Variants in PARD3 observed in about 807,000 individuals in gnomAD.
PARD3 encodes partitioning defective 3 homolog.
PARD3 carries 75 observed loss-of-function variants against 155.4 expected under a neutral mutation model. That is an observed-to-expected ratio of 0.48 (90% confidence interval 0.40 to 0.58). The LOEUF (loss-of-function observed/expected upper bound fraction) is 0.58, where lower values mean the gene tolerates loss of function less well. Among genes scored for constraint, PARD3 ranks in the 20% least tolerant of loss-of-function variants. The pLI is 0.00. For missense variants in PARD3, 1,642 were observed against 1,721.7 expected (o/e 0.95, Z 0.82); for synonymous variants, 576 against 610.5 (o/e 0.94, Z 0.83).
chr10:34,531,142 T>C (rs913020696), intron 2 of PARD3, among the ~76,000 whole-genome samples: 1 of 152,202 alleles, frequency 6.6e-6, no homozygotes, highest in African/African-American at 2.4e-5. Flanking sequence ...CTCAATACAA[T>C]TGAGTTAGCC....
chr10:34,811,668 T>C (rs1237011356), intron 1 of PARD3, among the ~76,000 whole-genome samples: 2 of 152,196 alleles, frequency 1.3e-5, no homozygotes, highest in Admixed American at 1.3e-4. Context: ...ATTCTTCCTG[T>C]CTCCTAGATT....
At chr10:34,605,560 C>CTATATATATCTCCTATATATATA (rs2090212994) in intron 2 of PARD3, among the ~76,000 whole-genome samples, 1 of 14,568 alleles carries the variant, frequency 6.9e-5, no homozygotes, top group Non-Finnish European at 1.1e-4. Flanking sequence ...TATATATCTC[C>CTATATATATCTCCTATATATATA]TATATATATA....
At chr10:34,701,557 G>A (rs72783640) in intron 1 of PARD3, among the ~76,000 whole-genome samples, 89 of 152,246 alleles carry the variant, frequency 5.8e-4, no homozygotes, top group Non-Finnish European at 8.4e-4. Context: ...GCCGGTAAGA[G>A]GCTCTGGAAT....
At chr10:34,414,236 G>A (rs1034888341) in intron 5 of PARD3, among the ~76,000 whole-genome samples, 6 of 151,848 alleles carry the variant, frequency 4.0e-5, no homozygotes, top group Admixed American at 1.3e-4. Context: ...AAAAAAAAGG[G>A]AGGGGGGAGA....
chr10:34,672,648 G>T (rs1181119685), intron 2 of PARD3, among the ~76,000 whole-genome samples: 2 of 152,182 alleles, frequency 1.3e-5, no homozygotes, highest in African/African-American at 2.4e-5. Context: ...ACACTACTGA[G>T]CTCTGGCCTG....
chr10:34,617,330 A>C (rs1352766573), intron 2 of PARD3, among the ~76,000 whole-genome samples: 1 of 152,162 alleles, frequency 6.6e-6, no homozygotes, highest in Non-Finnish European at 1.5e-5. Flanking sequence ...CTTACCAGAG[A>C]CTGGGAAGGG....
At chr10:34,164,636 C>T (rs1379269179) in intron 22 of PARD3, among the ~76,000 whole-genome samples, 5 of 152,176 alleles carry the variant, frequency 3.3e-5, no homozygotes, top group African/African-American at 1.2e-4. Context: ...AACATTTAAG[C>T]AAATTCCAGT....
At position 34,815,072 on chromosome 10, in the gene PARD3, G is replaced by T; in HGVS notation, c.-77C>A. 9.4e-7 allele frequency: 1 copy of T among 1,060,948 alleles called. No homozygotes were observed. Among genetic ancestry groups the T allele is most frequent in the Non-Finnish European group, 1.2e-6 (1 of 854,484 alleles). 65.7% of individuals were successfully genotyped at this position (1,060,948 alleles called of 1,614,324 possible). ...AGCCGAGGCCGGGACCGAGGACGCT[G>T]GGCGCGGAGGAGCCGCTGGGGACTC... is the stretch of plus-strand genomic sequence containing the variant. On this transcript the variant is annotated 5_prime_UTR_variant, in exon 1 of 25. Transcript: ENST00000374788.
chr10:34,782,009 G>C (rs1487597412), intron 1 of PARD3, among the ~76,000 whole-genome samples: 1 of 152,202 alleles, frequency 6.6e-6, no homozygotes, highest in African/African-American at 2.4e-5. Context: ...CACCTACTGA[G>C]AAATGCTGAC....
At chr10:34,355,958 C>CAAAAAAAAAA (rs1491326864) in intron 14 of PARD3, among the ~76,000 whole-genome samples, 32 of 116,198 alleles carry the variant, frequency 2.8e-4, no homozygotes, top group East Asian at 9.1e-4. Context: ...AAAACAAAAC[C>CAAAAAAAAAA]AAACAAAAAA....
At chr10:34,148,598 C>G (rs187298850) in intron 22 of PARD3, among the ~76,000 whole-genome samples, 1 of 152,200 alleles carries the variant, frequency 6.6e-6, no homozygotes, top group East Asian at 1.9e-4. Flanking sequence ...GTCTAGAGAA[C>G]TTTTGGAGAA....
At chr10:34,422,034 C>T (rs564666718) in intron 5 of PARD3, among the ~76,000 whole-genome samples, 116 of 152,210 alleles carry the variant, frequency 7.6e-4, no homozygotes, top group African/African-American at 2.6e-3. Flanking sequence ...GAGGACCAGA[C>T]CAAGGGCCCT....
chr10:34,310,714 T>C (rs1207389112), intron 20 of PARD3, among the ~76,000 whole-genome samples: 2 of 152,226 alleles, frequency 1.3e-5, no homozygotes, highest in Non-Finnish European at 2.9e-5. Flanking sequence ...TTGTCTTTGC[T>C]AGCAGGTCAG....
chr10:34,712,179 G>C (rs1358022041), intron 1 of PARD3, among the ~76,000 whole-genome samples: 2 of 152,264 alleles, frequency 1.3e-5, no homozygotes, highest in African/African-American at 4.8e-5. Flanking sequence ...AGTGTGGAAG[G>C]GTACGAACAG....
chr10:34,527,613 GTTCAC>G (rs1015221548), intron 2 of PARD3, among the ~76,000 whole-genome samples: 5 of 152,152 alleles, frequency 3.3e-5, no homozygotes, highest in South Asian at 2.1e-4. Flanking sequence ...CACCACTTCT[GTTCAC>G]TTCAAGTTCT....
At chr10:34,172,565 G>A (rs747471846) in intron 22 of PARD3, among the ~76,000 whole-genome samples, 2 of 152,026 alleles carry the variant, frequency 1.3e-5, no homozygotes, top group Non-Finnish European at 2.9e-5. Context: ...GGTCTGGGGT[G>A]GGGTGTGAGA....
intron 22 of PARD3, among the ~76,000 whole-genome samples, chr10:34,219,963 C>A (rs890224687): frequency 3.9e-5 from 6 of 152,124 alleles, no homozygotes; most frequent in African/African-American, 9.7e-5. Context: ...TTTTGTTTTA[C>A]GAACGCATCA....
At chr10:34,355,950 AACAAAACC>A (rs1302024515) in intron 14 of PARD3, among the ~76,000 whole-genome samples, 16 of 128,136 alleles carry the variant, frequency 1.2e-4, no homozygotes, top group African/African-American at 4.7e-4. Flanking sequence ...AAAAAAACAA[AACAAAACC>A]AAACAAAAAA....
intron 22 of PARD3, among the ~76,000 whole-genome samples, chr10:34,150,537 A>C (rs1451142513): frequency 6.6e-6 from 1 of 152,190 alleles, no homozygotes; most frequent in East Asian, 1.9e-4. Flanking sequence ...TGAAGTCGGG[A>C]TCTCGTGGGA....
Sources: gnomAD v4.1 joint callset for allele counts (sites outside exome capture counted in the v4.1 genomes callset) on GRCh38, gnomAD v4.1.1 for gene constraint, MANE v1.5 for transcripts, NCBI Gene and HGNC (gene_info 2026-07-23, HGNC 2026-07-21) for gene names.